Variants in FAM184A observed in about 807,000 individuals in gnomAD.
The protein encoded by FAM184A is family with sequence similarity 184 member A, also known as protein FAM184A.
FAM184A carries 99 observed loss-of-function variants against 143.8 expected under a neutral mutation model. The ratio of observed to expected loss-of-function variants is 0.69; its 90% CI spans 0.58 to 0.81. FAM184A has a LOEUF of 0.81. FAM184A is among the 40% of genes least tolerant of loss of function. The pLI, the probability that FAM184A is intolerant of heterozygous loss-of-function variation, is 0.00. For synonymous variants in FAM184A, 427 were observed against 446.4 expected (o/e 0.96, Z 0.55); for missense variants, 1,217 against 1,310.5 (o/e 0.93, Z 1.10).
chr6:118,994,917 A>G (rs997511745), intron 9 of FAM184A, among the ~76,000 whole-genome samples: 2 of 152,182 alleles, frequency 1.3e-5, no homozygotes, highest in Non-Finnish European at 2.9e-5. Context: ...CACGTACAAG[A>G]TATTACACAT....
At chr6:118,984,161 ATAT>A (rs1562461065) in intron 9 of FAM184A, among the ~76,000 whole-genome samples, 2 of 98,932 alleles carry the variant, frequency 2.0e-5, no homozygotes, top group African/African-American at 7.4e-5. Context: ...AAAAAAAAAT[ATAT>A]ATATATATAT....
chr6:119,117,889 G>C (rs1463258077), intron 1 of FAM184A, among the ~76,000 whole-genome samples: 2 of 152,146 alleles, frequency 1.3e-5, no homozygotes, highest in African/African-American at 4.8e-5. Flanking sequence ...GGCAGGGGTG[G>C]GGGTATCCCA....
chr6:119,116,769 G>A (rs1789073584), intron 1 of FAM184A, among the ~76,000 whole-genome samples: 1 of 152,210 alleles, frequency 6.6e-6, no homozygotes, highest in South Asian at 2.1e-4. Context: ...AAGGAGGACA[G>A]GAGGAATTTT....
Position 119,037,440 on chromosome 6 carries a change from A to G in FAM184A, c.160-12627T>C, listed in dbSNP as rs527573223. On this transcript the variant is annotated intron_variant, in intron 1 of 17. Coordinates refer to ENST00000338891, the MANE Select transcript of FAM184A (RefSeq NM_024581.6). Reference sequence around the variant, plus strand: ...CACAGCCTCCTGAGTAGCTGGGACTACAAGCATGTGCCACTACACCTGGCT... The same window carrying G: ...CACAGCCTCCTGAGTAGCTGGGACTGCAAGCATGTGCCACTACACCTGGCT... Among the ~76,000 whole-genome samples the G allele has an allele frequency of 4.6e-5, 7 of 152,282 alleles. No homozygotes were observed. In the East Asian group the frequency reaches 1.4e-3, roughly 29 times the overall value.
At chr6:119,103,027 C>T (rs1189817706) in intron 1 of FAM184A, among the ~76,000 whole-genome samples, 2 of 152,070 alleles carry the variant, frequency 1.3e-5, no homozygotes, top group Non-Finnish European at 1.5e-5. Context: ...ACCTCCAGCT[C>T]GGGAGTCAAC....
chr6:119,033,463 A>T (rs1785967237), intron 1 of FAM184A, among the ~76,000 whole-genome samples: 1 of 151,750 alleles, frequency 6.6e-6, no homozygotes, highest in African/African-American at 2.4e-5. Context: ...CAGGAGTTCA[A>T]GACCAGCCTG....
chr6:118,976,350 C>T (rs944432854), intron 11 of FAM184A, among the ~76,000 whole-genome samples: 5 of 152,096 alleles, frequency 3.3e-5, no homozygotes, highest in South Asian at 4.1e-4. Flanking sequence ...ATTTTTAATT[C>T]GTCTCTTTCA....
At chr6:119,099,176 C>T (rs143016119) in intron 1 of FAM184A, among the ~76,000 whole-genome samples, 1 of 152,250 alleles carries the variant, frequency 6.6e-6, no homozygotes, top group Non-Finnish European at 1.5e-5. Flanking sequence ...CTGAAGAGGG[C>T]ATGGAAGCTC....
intron 1 of FAM184A, among the ~76,000 whole-genome samples, chr6:119,143,631 G>C (rs9489602): frequency 5.9e-5 from 9 of 152,326 alleles, no homozygotes; most frequent in African/African-American, 2.2e-4. Context: ...CCAGCCTTAA[G>C]AAGGAGTGAC....
Position 119,006,464 on chromosome 6 carries a change from C to A in FAM184A, c.1798G>T (p.Ala600Ser), listed in dbSNP as rs556965913. The A allele has an allele frequency of 1.2e-6, 2 of 1,611,262 alleles. No individual in the cohort carries two copies. Among genetic ancestry groups the A allele is most frequent in the South Asian group, 1.1e-5 (1 of 90,052 alleles). Reference sequence around the variant, plus strand: ...GAAATTACCTCCACATTTAATAGAGCATCCTTGGTCTCCTTTAGGCTGTCT... The same window carrying A: ...GAAATTACCTCCACATTTAATAGAGAATCCTTGGTCTCCTTTAGGCTGTCT... Reference protein sequence around the residue: ...TKDSLKETKDALLNVEGELEQ... With the variant: ...TKDSLKETKDSLLNVEGELEQ... Residue 600 changes from alanine (A) to serine (S), a missense_variant, in exon 7 of 18, where the codon GCT becomes TCT. Physicochemically the swap from Ala to Ser is moderately conservative, Grantham distance 99 (BLOSUM62 1). Coordinates refer to ENST00000338891, the MANE Select transcript of FAM184A (RefSeq NM_024581.6).
intron 1 of FAM184A, among the ~76,000 whole-genome samples, chr6:119,056,330 A>G (rs1437647630): frequency 6.6e-6 from 1 of 152,178 alleles, no homozygotes; most frequent in Non-Finnish European, 1.5e-5. Flanking sequence ...GATGAAGAAG[A>G]AGATTAATTA....
chr6:119,103,667 C>T lies in FAM184A; in HGVS notation c.-202+45411G>A, dbSNP rs562039033. Among the ~76,000 whole-genome samples, 1,332 of 152,184 alleles carry T rather than the reference C, an allele frequency of 8.8e-3. 16 individuals carry two copies. The highest frequency in any genetic ancestry group is 0.03 in the African/African-American group (1,261 of 41,524). Reference sequence around the variant, plus strand: ...AGGAGGCCAGGCACGGTGGCTCAAGCCTGTAATCCTAGCACTTTGGGAGGC... The same window carrying T: ...AGGAGGCCAGGCACGGTGGCTCAAGTCTGTAATCCTAGCACTTTGGGAGGC... On this transcript the variant is annotated intron_variant, in intron 1 of 16. Transcript: ENST00000352896.
chr6:118,983,366 C>CT (rs1009030170), intron 9 of FAM184A, among the ~76,000 whole-genome samples: 2 of 151,982 alleles, frequency 1.3e-5, no homozygotes, highest in Non-Finnish European at 2.9e-5. Flanking sequence ...TAATGTAAAA[C>CT]TTTAACTCAA....
intron 1 of FAM184A, among the ~76,000 whole-genome samples, chr6:119,146,821 T>A (rs1284193522): frequency 3.9e-5 from 6 of 151,980 alleles, no homozygotes; most frequent in African/African-American, 1.5e-4. Flanking sequence ...ATAGTCACCC[T>A]CTCCCCTGGT....
At chr6:119,016,988 A>G (rs372456795) in intron 4 of FAM184A, 44 bp from the exon 5 acceptor site, 1 of 1,336,834 alleles carries the variant, frequency 7.5e-7, no homozygotes, top group African/African-American at 1.5e-5. Context: ...TGCTTTTTTC[A>G]TTACTGTTAT....
chr6:119,144,099 G>A (rs377373156), intron 1 of FAM184A, among the ~76,000 whole-genome samples: 9 of 151,982 alleles, frequency 5.9e-5, no homozygotes, highest in African/African-American at 2.2e-4. Context: ...AGGCCGAGGC[G>A]GGTGGATCAC....
At position 119,006,429 on chromosome 6, in the gene FAM184A, G is replaced by A. The variant is rs1415619599; in HGVS notation, c.1815+18C>T. Reference sequence around the variant, plus strand: ...TTATTTTGCCGCTGTTTAGATTGCAGTAGAATTATGAAATTACCTCCACAT... The same window carrying A: ...TTATTTTGCCGCTGTTTAGATTGCAATAGAATTATGAAATTACCTCCACAT... On this transcript the variant is annotated intron_variant, in intron 7 of 17. Coordinates refer to ENST00000338891, the MANE Select transcript of FAM184A (RefSeq NM_024581.6). The A allele has an allele frequency of 8.1e-6, 13 of 1,605,632 alleles. No individual in the cohort carries two copies. Among genetic ancestry groups the A allele is most frequent in the Non-Finnish European group, 1.1e-5 (13 of 1,176,568 alleles).
intron 3 of FAM184A, among the ~76,000 whole-genome samples, chr6:119,021,793 T>A (rs1785455022): frequency 6.6e-6 from 1 of 151,972 alleles, no homozygotes; most frequent in Non-Finnish European, 1.5e-5. Context: ...CTAGGCAACA[T>A]GGCAAGACCC....
chr6:119,058,130 C>T (rs1029154811), intron 1 of FAM184A, among the ~76,000 whole-genome samples: 2 of 150,932 alleles, frequency 1.3e-5, no homozygotes, highest in African/African-American at 4.9e-5. Flanking sequence ...TACAATGTGA[C>T]CTGCCACTCT....
Sources: allele counts gnomAD v4.1 joint callset (sites outside exome capture counted in the v4.1 genomes callset), GRCh38; gene constraint gnomAD v4.1.1; transcripts MANE v1.5; gene names NCBI Gene and HGNC (gene_info 2026-07-23, HGNC 2026-07-21).